The following PCDH15 variants were observed in gnomAD, a reference collection of about 807,000 sequenced individuals.
PCDH15 encodes the protein protocadherin-15.
PCDH15 carries 129 observed loss-of-function variants against 178.5 expected under a neutral mutation model. The observed-to-expected ratio is 0.72, with a 90% CI of 0.63 to 0.84. The LOEUF (loss-of-function observed/expected upper bound fraction) is 0.84, where lower values mean the gene tolerates loss of function less well. Among genes scored for constraint, PCDH15 ranks in the 40% least tolerant of loss-of-function variants. The pLI is 0.00. For synonymous variants in PCDH15, 800 were observed against 732.0 expected (o/e 1.09, Z -1.50); for missense variants, 2,230 against 2,099.9 (o/e 1.06, Z -1.21).
chr10:55,531,509 T>G (rs898341931), intron 2 of PCDH15, among the ~76,000 whole-genome samples: 1 of 151,976 alleles, frequency 6.6e-6, no homozygotes, highest in African/African-American at 2.4e-5. Context: ...CCCCAAGATA[T>G]TTTAATTAGA....
intron 16 of PCDH15, among the ~76,000 whole-genome samples, chr10:54,089,294 T>C (rs1287558185): frequency 6.6e-6 from 1 of 152,194 alleles, no homozygotes; most frequent in Non-Finnish European, 1.5e-5. Context: ...CTTCTGAAAG[T>C]AAAACTATTC....
chr10:55,226,394 G>T (rs1206476211), intron 1 of PCDH15, among the ~76,000 whole-genome samples: 1 of 151,428 alleles, frequency 6.6e-6, no homozygotes, highest in Non-Finnish European at 1.5e-5. Context: ...TTTTGAGACC[G>T]AGCCTCACCC....
chr10:53,853,472 G>C lies in PCDH15; in HGVS notation c.3806+3703C>G, dbSNP rs1014797407. ...CCCAATTAGTGACACAATCATCAGGGTGAAAAGGCAACCTATGGAATAGGA... is the reference window on the plus strand; with the variant it reads ...CCCAATTAGTGACACAATCATCAGGCTGAAAAGGCAACCTATGGAATAGGA... On this transcript the variant is annotated intron_variant, in intron 28 of 37. Transcript: ENST00000644397. 4.6e-5 allele frequency among the ~76,000 whole-genome samples: 7 copies of C among 152,064 alleles called. No homozygotes were observed. In the East Asian group the frequency reaches 1.3e-3, roughly 29 times the overall value.
chr10:54,256,225 G>A (rs1364708709), intron 8 of PCDH15, among the ~76,000 whole-genome samples: 1 of 152,096 alleles, frequency 6.6e-6, no homozygotes, highest in African/African-American at 2.4e-5. Context: ...TGGTCAGCTA[G>A]GCTCACCTAA....
chr10:55,458,437 T>C (rs1445967985), intron 2 of PCDH15, among the ~76,000 whole-genome samples: 1 of 152,058 alleles, frequency 6.6e-6, no homozygotes, highest in East Asian at 1.9e-4. Flanking sequence ...AAAATATCCT[T>C]AAAGAATCTT....
intron 2 of PCDH15, among the ~76,000 whole-genome samples, chr10:55,598,395 A>G (rs1440483193): frequency 6.6e-6 from 1 of 151,004 alleles, no homozygotes; most frequent in Non-Finnish European, 1.5e-5. Flanking sequence ...TTAAAACTCA[A>G]AGGACTTGGC....
intron 2 of PCDH15, among the ~76,000 whole-genome samples, chr10:54,944,240 T>G (rs1838133842): frequency 6.6e-6 from 1 of 151,910 alleles, no homozygotes; most frequent in Non-Finnish European, 1.5e-5. Flanking sequence ...AGAAAGGGTT[T>G]GACAAAATGT....
At chr10:54,764,708 A>T (rs1448403171) in intron 1 of PCDH15, among the ~76,000 whole-genome samples, 1 of 152,136 alleles carries the variant, frequency 6.6e-6, no homozygotes, top group Admixed American at 6.6e-5. Flanking sequence ...AGCATGCAGG[A>T]TCAATTCAAA....
chr10:55,086,692 T>G (rs1489985651), intron 2 of PCDH15, among the ~76,000 whole-genome samples: 3 of 152,084 alleles, frequency 2.0e-5, no homozygotes, highest in Non-Finnish European at 4.4e-5. Flanking sequence ...TCTGTGAACA[T>G]GAAGACTTTC....
At chr10:54,824,384 G>C (rs1564541600) in intron 3 of PCDH15, among the ~76,000 whole-genome samples, 1 of 152,136 alleles carries the variant, frequency 6.6e-6, no homozygotes, top group Non-Finnish European at 1.5e-5. Context: ...AACAACTGTG[G>C]AAAAGATGTC....
intron 1 of PCDH15, among the ~76,000 whole-genome samples, chr10:55,271,918 G>GA (rs1842454858): frequency 2.0e-5 from 3 of 151,990 alleles, no homozygotes; most frequent in Non-Finnish European, 4.4e-5. Context: ...TTTTCTAAGA[G>GA]AAAACATGGA....
intron 3 of PCDH15, among the ~76,000 whole-genome samples, chr10:54,398,035 A>G (rs909302422): frequency 5.9e-5 from 9 of 151,938 alleles, no homozygotes; most frequent in Non-Finnish European, 1.2e-4. Context: ...TATCTTATTC[A>G]TTGCTTACTC....
At chr10:55,496,998 G>T (rs1041737036) in intron 2 of PCDH15, among the ~76,000 whole-genome samples, 6 of 151,812 alleles carry the variant, frequency 4.0e-5, no homozygotes, top group Admixed American at 6.6e-5. Flanking sequence ...TTTAACCACA[G>T]AATACTTTTG....
intron 25 of PCDH15, among the ~76,000 whole-genome samples, chr10:53,913,704 A>C (rs1233593336): frequency 6.6e-6 from 1 of 151,878 alleles, no homozygotes; most frequent in Non-Finnish European, 1.5e-5. Context: ...AGATGGCGCC[A>C]CTGCACTCCA....
At chr10:54,436,853 AAGCATG>A (rs1168390327) in intron 3 of PCDH15, among the ~76,000 whole-genome samples, 1 of 152,210 alleles carries the variant, frequency 6.6e-6, no homozygotes, top group Non-Finnish European at 1.5e-5. Context: ...GGAAAATGCA[AAGCATG>A]AGTTTAATAA....
intron 2 of PCDH15, among the ~76,000 whole-genome samples, chr10:54,576,171 A>T (rs2090463151): frequency 6.6e-6 from 1 of 152,062 alleles, no homozygotes; most frequent in African/African-American, 2.4e-5. Context: ...ATCTATCTAT[A>T]TCTTTTGCTG....
At chr10:55,602,081 C>A (rs1412201476) in intron 2 of PCDH15, among the ~76,000 whole-genome samples, 1 of 152,072 alleles carries the variant, frequency 6.6e-6, no homozygotes, top group Non-Finnish European at 1.5e-5. Flanking sequence ...TCGGGAGGCG[C>A]AAGGGGTCAG....
intron 3 of PCDH15, among the ~76,000 whole-genome samples, chr10:54,877,358 T>C (rs906031853): frequency 6.6e-6 from 1 of 152,118 alleles, no homozygotes; most frequent in Non-Finnish European, 1.5e-5. Context: ...TACCACCTAA[T>C]GAAAATAGCT....
At chr10:54,718,785 G>T (rs763857389) in intron 1 of PCDH15, among the ~76,000 whole-genome samples, 1 of 148,152 alleles carries the variant, frequency 6.7e-6, no homozygotes, top group Non-Finnish European at 1.5e-5. Flanking sequence ...TCCACCTCCT[G>T]GGTTCAAGCA....
Sources: allele counts gnomAD v4.1 joint callset (sites outside exome capture counted in the v4.1 genomes callset), GRCh38; gene constraint gnomAD v4.1.1; transcripts MANE v1.5; gene names NCBI Gene and HGNC (gene_info 2026-07-23, HGNC 2026-07-21).